TDRD12: variants seen among roughly 807,000 people sequenced by gnomAD.
TDRD12 encodes tudor domain containing 12.
Under a neutral mutation model 133.5 loss-of-function variants are expected in TDRD12, and 158 were observed. The ratio of observed to expected loss-of-function variants is 1.18; its 90% CI spans 1.04 to 1.35. The LOEUF is 1.35. Ranked by LOEUF, TDRD12 falls within the 40% of genes most tolerant of loss-of-function variation. TDRD12 has a pLI of 0.00. For missense variants in TDRD12, 1,443 were observed against 1,321.3 expected (o/e 1.09, Z -1.43); for synonymous variants, 460 against 477.9 (o/e 0.96, Z 0.49).
At chr19:32,746,944 G>GAA in intron 4 of TDRD12, among the ~76,000 whole-genome samples, 1 of 150,790 alleles carries the variant, frequency 6.6e-6, no homozygotes, top group South Asian at 2.1e-4. Flanking sequence ...CTGTGAGAGA[G>GAA]AGAGAGGGGG....
rs1215178792 is a variant in TDRD12 at position 32,726,910 on chromosome 19, C to T, written c.25-4815C>T. Among the ~76,000 whole-genome samples the T allele has an allele frequency of 3.9e-5, 6 of 152,096 alleles. No homozygotes were observed. In the East Asian group the frequency reaches 5.8e-4, roughly 15 times the overall value. On this transcript the variant is annotated intron_variant, in intron 1 of 27. Transcript: ENST00000444215. The stretch of plus-strand genomic sequence containing the variant: ...ATGCTGCTATGAACACAGGTGTGTA[C>T]GTATCTCTTCAAGATCTTTCAATTC...
At chr19:32,810,247 A>T in exon 23 of TDRD12, 8 of 1,525,322 alleles carry the variant, frequency 5.2e-6, no homozygotes, top group Non-Finnish European at 6.1e-6. Flanking sequence ...TTTGGATTGT[A>T]TGGATTAGCA....
At chr19:32,821,942 GAGTT>G (rs1360266627), downstream of TDRD12, among the ~76,000 whole-genome samples, 40 of 152,224 alleles carry the variant, frequency 2.6e-4, no homozygotes, top group African/African-American at 9.2e-4. Flanking sequence ...ACTTGGCACT[GAGTT>G]AGGTGCCATA....
Position 32,728,709 on chromosome 19 carries a change from G to T in TDRD12, c.25-3016G>T, listed in dbSNP as rs372192059. ...TGCCCAAGCTGGAGTGCAGTGGCGC[G>T]ATCTTGGTTCACTGCAAGCTCCGCC... On this transcript the variant is annotated intron_variant, in intron 1 of 27. Transcript: ENST00000444215. 9.6e-5 allele frequency among the ~76,000 whole-genome samples: 14 copies of T among 145,892 alleles called. No homozygotes were observed. In the East Asian group the frequency reaches 2.4e-3, roughly 25 times the overall value.
intron 24 of TDRD12, among the ~76,000 whole-genome samples, chr19:32,811,691 C>T (rs1028180307): frequency 6.6e-6 from 1 of 152,154 alleles, no homozygotes; most frequent in Admixed American, 6.5e-5. Context: ...GCCCCTCAGC[C>T]TAAGCAGGGG....
chr19:32,794,693 G>T (rs1007072303), exon 14 of TDRD12: 2 of 703,030 alleles, frequency 2.8e-6, no homozygotes, highest in Non-Finnish European at 5.2e-6. Flanking sequence ...CTCCCATAGC[G>T]CGTGGCTGTG....
chr19:32,803,292 G>A lies in TDRD12; in HGVS notation c.2552+150G>A, dbSNP rs928831403. On this transcript the variant is annotated intron_variant, in intron 21 of 27. Transcript: ENST00000444215. ...GGTTCCCTCGCACTCTTCCCCACGTGCCCTCCCCTCTGCAGGGCTGTCAGT... is the reference window on the plus strand; with the variant it reads ...GGTTCCCTCGCACTCTTCCCCACGTACCCTCCCCTCTGCAGGGCTGTCAGT... 3 of 601,066 alleles carry A rather than the reference G, an allele frequency of 5.0e-6. No homozygotes were observed. The African/African-American group carries it at 5.6e-5, about 11-fold the overall frequency. The allele number at this position is 601,066 out of a possible 1,614,324, so 37.2% of individuals were successfully genotyped here.
At chr19:32,799,350 G>A (rs1202881630) in intron 16 of TDRD12, among the ~76,000 whole-genome samples, 1 of 152,142 alleles carries the variant, frequency 6.6e-6, no homozygotes, top group Non-Finnish European at 1.5e-5. Context: ...GTGCACTCCT[G>A]TCAGCCATGT....
intron 10 of TDRD12, among the ~76,000 whole-genome samples, 196 bp from the exon 11 acceptor site, chr19:32,776,953 A>G (rs1320319712): frequency 2.0e-5 from 3 of 152,232 alleles, no homozygotes; most frequent in African/African-American, 7.2e-5. Context: ...CGGTGGCACA[A>G]TCACAGCTCA....
chr19:32,761,956 G>C (rs150355262), intron 8 of TDRD12, among the ~76,000 whole-genome samples: 6 of 151,996 alleles, frequency 3.9e-5, no homozygotes, highest in Non-Finnish European at 5.9e-5. Context: ...CGACTGCCTC[G>C]GCCTCCCAAA....
At chr19:32,789,587 T>G (rs1971008890) in intron 11 of TDRD12, among the ~76,000 whole-genome samples, 1 of 152,256 alleles carries the variant, frequency 6.6e-6, no homozygotes, top group African/African-American at 2.4e-5. Context: ...TGCCATATCA[T>G]AAACTAGCAC....
intron 6 of TDRD12, among the ~76,000 whole-genome samples, chr19:32,755,743 A>G (rs1969973123): frequency 6.6e-6 from 1 of 152,208 alleles, no homozygotes; most frequent in African/African-American, 2.4e-5. Context: ...AGGTAGTTTT[A>G]GTGCTACAGT....
chr19:32,793,843 G>A (rs1971141188), intron 13 of TDRD12, among the ~76,000 whole-genome samples: 1 of 141,170 alleles, frequency 7.1e-6, no homozygotes, highest in Non-Finnish European at 1.5e-5. Flanking sequence ...TGCCCAGGCT[G>A]GAGTGCAATG....
intron 18 of TDRD12, 149 bp from the exon 19 acceptor site, chr19:32,801,607 A>G (rs746767346): frequency 1.9e-4 from 71 of 381,654 alleles, no homozygotes; most frequent in Non-Finnish European, 2.3e-4. Context: ...TTCAGTTTAT[A>G]ATCATCTCAT....
intron 11 of TDRD12, among the ~76,000 whole-genome samples, chr19:32,779,106 G>A (rs994948769): frequency 7.9e-5 from 12 of 152,180 alleles, no homozygotes; most frequent in African/African-American, 2.9e-4. Context: ...TTTCTGGCGA[G>A]ATAGCCAAGG....
chr19:32,801,570 A>G (rs1971390165), intron 18 of TDRD12, among the ~76,000 whole-genome samples, 186 bp from the exon 19 acceptor site: 1 of 152,258 alleles, frequency 6.6e-6, no homozygotes, highest in Admixed American at 6.5e-5. Context: ...GATTTTAGAC[A>G]TAAACAACCG....
chr19:32,781,231 C>T (rs968468381), intron 11 of TDRD12, among the ~76,000 whole-genome samples: 1 of 152,136 alleles, frequency 6.6e-6, no homozygotes, highest in Non-Finnish European at 1.5e-5. Flanking sequence ...CGTGAGCCAC[C>T]GCGCTCGGCC....
intron 1 of TDRD12, among the ~76,000 whole-genome samples, chr19:32,731,250 C>T (rs182425260): frequency 3.7e-4 from 56 of 152,042 alleles, no homozygotes; most frequent in African/African-American, 1.3e-3. Flanking sequence ...ATTGCTTTCT[C>T]TTTCTTACAA....
exon 11 of TDRD12, chr19:32,777,213 A>G (rs1473549598): frequency 6.5e-7 from 1 of 1,541,208 alleles, no homozygotes; most frequent in African/African-American, 1.4e-5. Context: ...ATATGATGAG[A>G]AGAATAGCTG....
Sources: gnomAD v4.1 joint callset for allele counts (sites outside exome capture counted in the v4.1 genomes callset) on GRCh38, gnomAD v4.1.1 for gene constraint, MANE v1.5 for transcripts, NCBI Gene and HGNC (gene_info 2026-07-23, HGNC 2026-07-21) for gene names.